The following ACSM3 variants were observed in gnomAD, a reference collection of about 807,000 sequenced individuals.
ACSM3 encodes acyl-coenzyme A synthetase ACSM3, mitochondrial.
Under a neutral mutation model 74.1 loss-of-function variants are expected in ACSM3, and 61 were observed. That is an observed-to-expected ratio of 0.82 (90% CI 0.67 to 1.02). ACSM3 has a LOEUF of 1.02. Ranked by LOEUF, ACSM3 falls within the 50% of genes least tolerant of loss-of-function variation. ACSM3 has a pLI of 0.00. For synonymous variants in ACSM3, 213 were observed against 241.5 expected (o/e 0.88, Z 1.09); for missense variants, 660 against 697.0 (o/e 0.95, Z 0.60).
chr16:20,704,225 A>G (rs1376476018), intron 1 of ACSM3, among the ~76,000 whole-genome samples: 2 of 152,164 alleles, frequency 1.3e-5, no homozygotes, highest in Non-Finnish European at 2.9e-5. Flanking sequence ...TGTTTCAGGC[A>G]CTGTTTCCAG....
At chr16:20,703,552 C>A (rs1262542610) in intron 1 of ACSM3, 1 of 151,964 alleles carries the variant, frequency 6.6e-6, no homozygotes, top group Non-Finnish European at 1.5e-5. Context: ...GAGACAGTCT[C>A]ATTCTGTCAC....
At chr16:20,779,534 G>C (rs375486899) in intron 4 of ACSM3, among the ~76,000 whole-genome samples, 1 of 152,126 alleles carries the variant, frequency 6.6e-6, no homozygotes, top group Non-Finnish European at 1.5e-5. Context: ...CACATGCCTG[G>C]ATAAGTCTGT....
At chr16:20,766,884 G>T (rs2080131906) in intron 1 of ACSM3, among the ~76,000 whole-genome samples, 1 of 152,178 alleles carries the variant, frequency 6.6e-6, no homozygotes, top group Non-Finnish European at 1.5e-5. Flanking sequence ...GCTACCTGTT[G>T]TGTAAAATTG....
At chr16:20,690,149 G>T (rs1481376240) in intron 1 of ACSM3, among the ~76,000 whole-genome samples, 2 of 152,166 alleles carry the variant, frequency 1.3e-5, no homozygotes, top group African/African-American at 4.8e-5. Context: ...TGTAGGCTTT[G>T]GATAGTAATA....
upstream of ACSM3, among the ~76,000 whole-genome samples, chr16:20,759,224 A>G (rs902438608): frequency 2.0e-5 from 3 of 152,158 alleles, no homozygotes; most frequent in Non-Finnish European, 4.4e-5. Context: ...CCAATGACCA[A>G]TGATTTAATC....
chr16:20,714,129 C>T (rs1265227550), intron 1 of ACSM3, among the ~76,000 whole-genome samples: 1 of 151,920 alleles, frequency 6.6e-6, no homozygotes, highest in Non-Finnish European at 1.5e-5. Context: ...AAGACCCTGT[C>T]CGGGACTCTG....
chr16:20,786,067 T>C lies in ACSM3; in HGVS notation c.1144-11T>C, dbSNP rs1430082153. On this transcript the variant is annotated splice_polypyrimidine_tract_variant and intron_variant, in intron 8 of 13. Coordinates refer to ENST00000289416, the MANE Select transcript of ACSM3 (RefSeq NM_005622.4). ...TGTAATGTTATCTTACTTTTTCTTC[T>C]TCTTAACTAGGTGCTAATCTGTGGA... is the stretch of plus-strand genomic sequence containing the variant. 10 of 1,516,582 alleles carry C rather than the reference T, an allele frequency of 6.6e-6. No homozygotes were observed. The highest frequency in any genetic ancestry group is 2.1e-5 in the Admixed American group (1 of 46,560). 93.9% of individuals were successfully genotyped at this position (1,516,582 alleles called of 1,614,324 possible). A position where few individuals can be genotyped will look rare whatever the true frequency, so the allele number is the denominator to read the frequency against.
chr16:20,714,905 G>A (rs551977933), intron 1 of ACSM3, among the ~76,000 whole-genome samples: 7 of 152,292 alleles, frequency 4.6e-5, no homozygotes, highest in East Asian at 1.9e-4. Context: ...TTCAAGGAAA[G>A]GAAGACAAGT....
chr16:20,688,755 C>G (rs1031765303), intron 1 of ACSM3, among the ~76,000 whole-genome samples: 3 of 151,802 alleles, frequency 2.0e-5, no homozygotes, highest in Non-Finnish European at 4.4e-5. Flanking sequence ...CTTGCCCCTA[C>G]AAGAAATGCT....
intron 1 of ACSM3, chr16:20,764,831 G>A (rs1347362683): frequency 6.6e-6 from 1 of 152,230 alleles, no homozygotes; most frequent in Non-Finnish European, 1.5e-5. Context: ...CAGAAAGTAT[G>A]TAAATTACTT....
At chr16:20,704,274 G>T (rs1235636179) in intron 1 of ACSM3, among the ~76,000 whole-genome samples, 1 of 152,112 alleles carries the variant, frequency 6.6e-6, no homozygotes, top group Non-Finnish European at 1.5e-5. Context: ...AAAACCTTAT[G>T]TGAAAGGTAG....
At chr16:20,724,578 A>G (rs371140697) in intron 1 of ACSM3, among the ~76,000 whole-genome samples, 6 of 152,192 alleles carry the variant, frequency 3.9e-5, no homozygotes, top group African/African-American at 7.2e-5. Flanking sequence ...TAGGAAAAGA[A>G]GAAGTCAAAT....
chr16:20,694,691 C>T (rs2079680274), intron 1 of ACSM3, among the ~76,000 whole-genome samples: 1 of 152,094 alleles, frequency 6.6e-6, no homozygotes, highest in Admixed American at 6.5e-5. Flanking sequence ...ATCCATTAAC[C>T]AGTTATCATG....
chr16:20,726,454 C>T (rs972433770), intron 1 of ACSM3, among the ~76,000 whole-genome samples: 1 of 152,210 alleles, frequency 6.6e-6, no homozygotes, highest in Non-Finnish European at 1.5e-5. Context: ...TTCTCTTTCC[C>T]TAGTCAGTGT....
intron 1 of ACSM3, among the ~76,000 whole-genome samples, chr16:20,719,062 TAAG>T: frequency 1.3e-5 from 2 of 152,270 alleles, no homozygotes; most frequent in Admixed American, 1.3e-4. Context: ...AAAAGGCCTT[TAAG>T]AAGAGTAGAG....
intron 1 of ACSM3, among the ~76,000 whole-genome samples, chr16:20,683,595 T>C (rs151321893): frequency 4.7e-4 from 72 of 152,004 alleles, no homozygotes; most frequent in Middle Eastern, 3.4e-3. Flanking sequence ...TGTCCTTCCT[T>C]TGTTTCTAAT....
Position 20,791,925 on chromosome 16 carries a change from C to T in ACSM3, c.1327-77C>T, listed in dbSNP as rs1179911630. ...CCTGGGTAACAGAGTGAGACTGTCT[C>T]GGAAAAAAAAAAAAAAATTCCAATT... On this transcript the variant is annotated intron_variant, in intron 10 of 13. Transcript: ENST00000289416. 39 of 1,410,734 alleles carry T rather than the reference C, an allele frequency of 2.8e-5. 1 individual carries two copies. Among genetic ancestry groups the T allele is most frequent in the South Asian group, 1.9e-4 (15 of 78,940 alleles). 87.4% of individuals were successfully genotyped at this position (1,410,734 alleles called of 1,614,324 possible).
intron 1 of ACSM3, chr16:20,741,466 A>T: frequency 6.8e-7 from 1 of 1,464,216 alleles, no homozygotes; most frequent in Non-Finnish European, 9.1e-7. Context: ...CTCCTCCCGC[A>T]AGGCCTGGCA....
chr16:20,685,847 C>CAAA (rs1491230287), intron 1 of ACSM3, among the ~76,000 whole-genome samples: 1 of 91,032 alleles, frequency 1.1e-5, no homozygotes, highest in Non-Finnish European at 2.2e-5. Context: ...AAAAAAAAAA[C>CAAA]AAAAAACTTA....
Sources: gnomAD v4.1 joint callset for allele counts (sites outside exome capture counted in the v4.1 genomes callset) on GRCh38, gnomAD v4.1.1 for gene constraint, MANE v1.5 for transcripts, NCBI Gene and HGNC (gene_info 2026-07-23, HGNC 2026-07-21) for gene names.